The following CHCHD3 variants were observed in gnomAD, a reference collection of about 807,000 sequenced individuals.
The protein encoded by CHCHD3 is coiled-coil-helix-coiled-coil-helix domain containing 3.
A neutral mutation model predicts 38.2 loss-of-function variants in CHCHD3; 20 were observed. That is an observed-to-expected ratio of 0.52 (90% CI 0.37 to 0.76). The LOEUF is 0.76. Ranked by LOEUF, CHCHD3 falls within the 30% of genes least tolerant of loss-of-function variation. CHCHD3 has a pLI of 0.00. For synonymous variants in CHCHD3, 82 were observed against 100.0 expected (o/e 0.82, Z 1.07); for missense variants, 245 against 279.2 (o/e 0.88, Z 0.87).
intron 2 of CHCHD3, among the ~76,000 whole-genome samples, chr7:133,036,580 A>G (rs767380618): frequency 1.7e-4 from 26 of 152,208 alleles, no homozygotes; most frequent in Admixed American, 3.3e-4. Flanking sequence ...AGCTCAATGA[A>G]AAGTATTCAT....
rs763534457 is a variant in CHCHD3 at position 132,910,241 on chromosome 7, A to G, written c.370-24496T>C. On this transcript the variant is annotated intron_variant, in intron 4 of 7. Transcript: ENST00000262570. ...TGTATTTGTACCGGTAAAACTTGCC[A>G]AGGGCAGGGGGTATTTCTTTTTATT... Among the ~76,000 whole-genome samples, 29 of 152,156 alleles carry G rather than the reference A, an allele frequency of 1.9e-4. 1 individual carries two copies. The highest frequency in any genetic ancestry group is 3.7e-4 in the Non-Finnish European group (25 of 68,024).
At chr7:132,916,044 G>A (rs1001492457) in intron 4 of CHCHD3, among the ~76,000 whole-genome samples, 1 of 151,630 alleles carries the variant, frequency 6.6e-6, no homozygotes, top group African/African-American at 2.4e-5. Context: ...TTCAGCAAAC[G>A]ACTATGCCTC....
intron 1 of CHCHD3, among the ~76,000 whole-genome samples, chr7:133,070,812 T>C (rs1433327797): frequency 6.6e-6 from 1 of 151,922 alleles, no homozygotes; most frequent in African/African-American, 2.4e-5. Flanking sequence ...ACATGAAGAG[T>C]GCTACCTGAG....
chr7:132,821,706 A>G (rs976428366), intron 6 of CHCHD3, among the ~76,000 whole-genome samples: 1 of 149,332 alleles, frequency 6.7e-6, no homozygotes, highest in Non-Finnish European at 1.5e-5. Context: ...AGAATGGATC[A>G]GCCCTTCTGA....
intron 4 of CHCHD3, among the ~76,000 whole-genome samples, chr7:132,969,583 T>C (rs1338231198): frequency 6.6e-6 from 1 of 152,240 alleles, no homozygotes; most frequent in Non-Finnish European, 1.5e-5. Flanking sequence ...GAAACCTTGC[T>C]TGTAGTTAGG....
At chr7:132,929,813 G>C (rs1810473300) in intron 4 of CHCHD3, among the ~76,000 whole-genome samples, 1 of 152,146 alleles carries the variant, frequency 6.6e-6, no homozygotes, top group South Asian at 2.1e-4. Context: ...TATGGTAAAG[G>C]GGTAGATGCT....
chr7:132,857,312 C>T (rs1808365550), intron 5 of CHCHD3, among the ~76,000 whole-genome samples: 1 of 152,202 alleles, frequency 6.6e-6, no homozygotes, highest in African/African-American at 2.4e-5. Flanking sequence ...TCCCAAGAAT[C>T]TTCTTTACAG....
intron 4 of CHCHD3, among the ~76,000 whole-genome samples, chr7:132,971,024 T>C (rs1811600741): frequency 6.6e-6 from 1 of 152,280 alleles, no homozygotes; most frequent in African/African-American, 2.4e-5. Flanking sequence ...AGTCAAAATT[T>C]TAACTGGAAT....
chr7:132,812,115 C>G (rs1295090425), intron 6 of CHCHD3, among the ~76,000 whole-genome samples: 1 of 152,044 alleles, frequency 6.6e-6, no homozygotes, highest in Non-Finnish European at 1.5e-5. Context: ...CCCCTTTCCC[C>G]CTTTCATTCC....
At chr7:132,785,820 A>T (rs779784630) in intron 7 of CHCHD3, among the ~76,000 whole-genome samples, 160 bp from the exon 8 acceptor site, 8 of 152,216 alleles carry the variant, frequency 5.3e-5, no homozygotes, top group Non-Finnish European at 1.0e-4. Flanking sequence ...TTGCTCCTTT[A>T]ATCAACACCA....
chr7:133,049,900 G>A (rs778088253), intron 2 of CHCHD3, among the ~76,000 whole-genome samples: 17 of 152,162 alleles, frequency 1.1e-4, no homozygotes, highest in Non-Finnish European at 2.2e-4. Context: ...TTTACAGCTA[G>A]TGCACTGCTG....
At chr7:133,051,782 A>C (rs1174006484) in intron 2 of CHCHD3, among the ~76,000 whole-genome samples, 1 of 152,216 alleles carries the variant, frequency 6.6e-6, no homozygotes, top group African/African-American at 2.4e-5. Context: ...ATATGTAGCT[A>C]TATAACTATA....
chr7:133,070,060 G>C, intron 2 of CHCHD3, 82 bp downstream of exon 2: 2 of 931,640 alleles, frequency 2.1e-6, no homozygotes, highest in Non-Finnish European at 3.3e-6. Flanking sequence ...AAGACAGAAT[G>C]CTAGAGAACT....
chr7:132,848,290 A>G (rs1808131247), intron 5 of CHCHD3, among the ~76,000 whole-genome samples: 1 of 152,340 alleles, frequency 6.6e-6, no homozygotes, highest in South Asian at 2.1e-4. Context: ...GCCAGATTCA[A>G]AAGTCTTAAT....
intron 4 of CHCHD3, among the ~76,000 whole-genome samples, chr7:132,962,393 A>T (rs1811343175): frequency 6.6e-6 from 1 of 152,222 alleles, no homozygotes. Context: ...CTTGAAAGAG[A>T]ACTACATTAA....
Position 132,838,388 on chromosome 7 carries a change from T to G in CHCHD3, c.524+11A>C, listed in dbSNP as rs1456090033. On this transcript the variant is annotated intron_variant, in intron 6 of 7. Coordinates refer to ENST00000262570, the MANE Select transcript of CHCHD3 (RefSeq NM_017812.4). ...GAATAGTAAATAATTATAATACTAT[T>G]AAAAACTTACTTGAACTTTGCTTCC... The G allele has an allele frequency of 1.3e-6, 2 of 1,579,450 alleles. No homozygotes were observed. The highest frequency in any genetic ancestry group is 8.7e-7 in the Non-Finnish European group (1 of 1,150,198).
chr7:132,840,148 G>A (rs1057018022), intron 5 of CHCHD3, among the ~76,000 whole-genome samples: 8 of 152,094 alleles, frequency 5.3e-5, no homozygotes, highest in African/African-American at 1.9e-4. Flanking sequence ...TTAACTTAAG[G>A]TTATGTCACA....
chr7:132,822,000 G>A (rs1481928008), intron 6 of CHCHD3, among the ~76,000 whole-genome samples: 1 of 152,130 alleles, frequency 6.6e-6, no homozygotes. Context: ...CTGACCTCAT[G>A]ATCCACCCGC....
At chr7:132,909,292 G>A (rs907942153) in intron 4 of CHCHD3, among the ~76,000 whole-genome samples, 24 of 152,216 alleles carry the variant, frequency 1.6e-4, no homozygotes, top group Admixed American at 5.9e-4. Flanking sequence ...TCAGGAGCTC[G>A]AGACCAGTCT....
Sources: allele counts gnomAD v4.1 joint callset (sites outside exome capture counted in the v4.1 genomes callset), GRCh38; gene constraint gnomAD v4.1.1; transcripts MANE v1.5; gene names NCBI Gene and HGNC (gene_info 2026-07-23, HGNC 2026-07-21).